The following GRIK1 variants were observed in gnomAD, a reference collection of about 807,000 sequenced individuals.
GRIK1 encodes the protein glutamate ionotropic receptor kainate type subunit 1, also known as glutamate receptor ionotropic, kainate 1.
In GRIK1, 69 loss-of-function variants were observed where a neutral mutation model predicts 105.7. The observed-to-expected ratio is 0.65, with a 90% CI of 0.54 to 0.80. GRIK1 has a LOEUF of 0.80. Among genes scored for constraint, GRIK1 ranks in the 30% least tolerant of loss-of-function variants. GRIK1 has a pLI of 0.00. For synonymous variants in GRIK1, 438 were observed against 431.3 expected (o/e 1.02, Z -0.19); for missense variants, 1,109 against 1,167.3 (o/e 0.95, Z 0.73).
chr21:29,541,955 T>C (rs2089979550), intron 16 of GRIK1, among the ~76,000 whole-genome samples: 1 of 152,184 alleles, frequency 6.6e-6, no homozygotes, highest in African/African-American at 2.4e-5. Flanking sequence ...GAAAAATTCA[T>C]TTACAAATGA....
At chr21:29,928,287 G>A (rs76470415) in intron 1 of GRIK1, among the ~76,000 whole-genome samples, 1 of 152,170 alleles carries the variant, frequency 6.6e-6, no homozygotes, top group Admixed American at 6.5e-5. Context: ...ATTTTTAAAA[G>A]CATTGCTTTA....
intron 14 of GRIK1, among the ~76,000 whole-genome samples, chr21:29,563,847 A>G (rs1167825906): frequency 6.6e-6 from 1 of 152,182 alleles, no homozygotes; most frequent in Non-Finnish European, 1.5e-5. Context: ...TTGAGACTTC[A>G]AAAAGTCACA....
rs2090394173 is a variant in GRIK1 at position 29,560,364 on chromosome 21, T to TTC, written c.2356+1259_2356+1260insGA. On this transcript the variant is annotated intron_variant, in intron 15 of 17. Coordinates refer to ENST00000327783, the MANE Select transcript of GRIK1 (RefSeq NM_001330994.2). ...CTTTCTTTCTTTCTTTCTTTTTCTT[T>TTC]CTTCCTTCCTTCCTTCCTTCCTTCC... is the stretch of plus-strand genomic sequence containing the variant. Among the ~76,000 whole-genome samples the TTC allele has an allele frequency of 7.2e-4, 26 of 35,926 alleles. 1 individual carries two copies. Among genetic ancestry groups the TTC allele is most frequent in the African/African-American group, 1.9e-3 (15 of 7,980 alleles). The allele number at this position is 35,926 out of a possible 152,430, so 23.6% of individuals were successfully genotyped here.
intron 1 of GRIK1, among the ~76,000 whole-genome samples, chr21:29,788,798 C>T (rs916734321): frequency 1.3e-5 from 2 of 152,148 alleles, no homozygotes; most frequent in Non-Finnish European, 2.9e-5. Flanking sequence ...GAGCCTGTAG[C>T]CTAGATCCCT....
chr21:29,826,196 A>G (rs2067451516), intron 1 of GRIK1, among the ~76,000 whole-genome samples: 2 of 152,070 alleles, frequency 1.3e-5, no homozygotes. Flanking sequence ...CCATTTGATC[A>G]CGTTTCCAAG....
chr21:29,851,648 T>C (rs747877959), intron 1 of GRIK1, among the ~76,000 whole-genome samples: 1 of 152,202 alleles, frequency 6.6e-6, no homozygotes, highest in African/African-American at 2.4e-5. Context: ...CAGAATCTAA[T>C]AACTAACTTC....
At chr21:29,593,453 T>C (rs1247290161) in intron 9 of GRIK1, among the ~76,000 whole-genome samples, 2 of 152,186 alleles carry the variant, frequency 1.3e-5, no homozygotes, top group African/African-American at 4.8e-5. Flanking sequence ...CATCCCTTCT[T>C]CTGAGGCAGG....
At chr21:29,624,200 C>T (rs1478874912) in intron 7 of GRIK1, among the ~76,000 whole-genome samples, 3 of 152,112 alleles carry the variant, frequency 2.0e-5, no homozygotes, top group Admixed American at 6.5e-5. Flanking sequence ...TGTATTGATG[C>T]AGAAAAATGT....
At chr21:29,574,810 C>T (rs2090846749) in intron 14 of GRIK1, among the ~76,000 whole-genome samples, 1 of 151,444 alleles carries the variant, frequency 6.6e-6, no homozygotes, top group Non-Finnish European at 1.5e-5. Flanking sequence ...GCCTCAGCCT[C>T]CCGAGTAGCT....
At chr21:29,560,558 T>TTCTTTCTC in intron 15 of GRIK1, among the ~76,000 whole-genome samples, 1 of 121,812 alleles carries the variant, frequency 8.2e-6, no homozygotes, top group South Asian at 2.5e-4. Flanking sequence ...CTTTCTTTCT[T>TTCTTTCTC]TCTTTCTTTC....
intron 1 of GRIK1, among the ~76,000 whole-genome samples, chr21:29,905,565 C>G (rs1378196573): frequency 6.6e-6 from 1 of 150,890 alleles, no homozygotes; most frequent in African/African-American, 2.4e-5. Flanking sequence ...CGTGCCTCAA[C>G]CTCCCTAGTA....
At chr21:29,768,290 T>C (rs1165605225) in intron 1 of GRIK1, among the ~76,000 whole-genome samples, 1 of 152,146 alleles carries the variant, frequency 6.6e-6, no homozygotes, top group Non-Finnish European at 1.5e-5. Flanking sequence ...TGATCTGGGA[T>C]AATAAAATCT....
chr21:29,789,773 C>G lies in GRIK1; in HGVS notation c.119-95710G>C, dbSNP rs146875006. Among the ~76,000 whole-genome samples the G allele has an allele frequency of 4.2e-3, 646 of 152,260 alleles. 3 individuals carry two copies. The highest frequency in any genetic ancestry group is 0.014 in the African/African-American group (589 of 41,544). On this transcript the variant is annotated intron_variant, in intron 1 of 17. Coordinates refer to ENST00000327783, the MANE Select transcript of GRIK1 (RefSeq NM_001330994.2). ...GGATAATGGAGTTTATGAATAAAGG[C>G]TTTGGGTTGATTGCTGCATGGAGAA...
intron 1 of GRIK1, chr21:29,761,430 C>T (rs2065515761): frequency 6.6e-6 from 1 of 152,118 alleles, no homozygotes; most frequent in African/African-American, 2.4e-5. Context: ...GTACTGAAAA[C>T]AGTCCTGCCA....
chr21:29,561,900 G>T, intron 14 of GRIK1, 51 bp from the exon 15 acceptor site: 3 of 1,025,930 alleles, frequency 2.9e-6, no homozygotes, highest in South Asian at 2.6e-5. Flanking sequence ...GGAAAAATAC[G>T]ACCTAAAGGT....
chr21:29,606,434 T>C (rs543136260), intron 7 of GRIK1, among the ~76,000 whole-genome samples: 3 of 152,084 alleles, frequency 2.0e-5, no homozygotes, highest in Non-Finnish European at 4.4e-5. Context: ...TGCTTTGACT[T>C]CCCTGGTGGC....
chr21:29,798,353 A>T (rs1207257699), intron 1 of GRIK1, among the ~76,000 whole-genome samples: 1 of 152,210 alleles, frequency 6.6e-6, no homozygotes, highest in East Asian at 1.9e-4. Flanking sequence ...ATTTAACTCT[A>T]CTACGTACTC....
At chr21:29,677,519 G>GA (rs1033024435) in intron 3 of GRIK1, among the ~76,000 whole-genome samples, 1 of 151,142 alleles carries the variant, frequency 6.6e-6, no homozygotes, top group African/African-American at 2.4e-5. Flanking sequence ...ATGTGACACA[G>GA]AAAAAAATGC....
chr21:29,938,376 A>C (rs987442675), intron 1 of GRIK1, among the ~76,000 whole-genome samples: 2 of 152,250 alleles, frequency 1.3e-5, no homozygotes, highest in African/African-American at 2.4e-5. Context: ...GACTCTAAGA[A>C]GCCCGATGGG....
Sources: allele counts gnomAD v4.1 joint callset (sites outside exome capture counted in the v4.1 genomes callset), GRCh38; gene constraint gnomAD v4.1.1; transcripts MANE v1.5; gene names NCBI Gene and HGNC (gene_info 2026-07-23, HGNC 2026-07-21).